The following PKN2 variants were observed in gnomAD, a reference collection of about 807,000 sequenced individuals.
PKN2 encodes the protein protein kinase N2.
A neutral mutation model predicts 119.1 loss-of-function variants in PKN2; 38 were observed. The ratio of observed to expected loss-of-function variants is 0.32; its 90% CI spans 0.25 to 0.42. The LOEUF (loss-of-function observed/expected upper bound fraction) is 0.42, where lower values mean the gene tolerates loss of function less well. PKN2 is among the 10% of genes least tolerant of loss of function. PKN2 has a pLI of 1.00. For synonymous variants in PKN2, 390 were observed against 384.9 expected (o/e 1.01, Z -0.15); for missense variants, 850 against 1,165.1 (o/e 0.73, Z 3.94).
chr1:88,785,982 T>C (rs1670556828), intron 7 of PKN2, 122 bp from the exon 8 acceptor site: 2 of 591,038 alleles, frequency 3.4e-6, no homozygotes, highest in Non-Finnish European at 6.0e-6. Context: ...AGTTTTAATA[T>C]TGATTATGAA....
intron 1 of PKN2, among the ~76,000 whole-genome samples, chr1:88,723,417 C>CA (rs1379184778): frequency 6.7e-6 from 1 of 148,350 alleles, no homozygotes; most frequent in Non-Finnish European, 1.5e-5. Context: ...CCTGCCCCCC[C>CA]CCCTTTTATT....
intron 2 of PKN2, among the ~76,000 whole-genome samples, chr1:88,759,096 G>A (rs1669336320): frequency 6.6e-6 from 1 of 152,196 alleles, no homozygotes; most frequent in Admixed American, 6.5e-5. Context: ...CAGGTGCAGT[G>A]GCTTACGCCT....
At chr1:88,764,111 G>A (rs189303869) in intron 3 of PKN2, among the ~76,000 whole-genome samples, 1 of 152,106 alleles carries the variant, frequency 6.6e-6, no homozygotes, top group South Asian at 2.1e-4. Flanking sequence ...TTCTTATTCT[G>A]ACTCTGGAAA....
In PKN2 at chr1:88,805,892, G is replaced by A. The variant is rs1671517437; in HGVS notation, c.1678G>A (p.Asp560Asn). ...RIPQLAPPAS[D>N]STVTKLDFDL... The stretch of plus-strand genomic sequence containing the variant: ...GTGAGTTACTTTATCTTCTATAAGT[G>A]ATTCTACAGTAACCAAATTGGACTT... The change falls in exon 12 of 22, where the codon GAT (aspartate) becomes AAT (asparagine). Residue 560 changes from aspartate to asparagine, a missense_variant and splice_region_variant. Physicochemically the swap from Asp to Asn is conservative, Grantham distance 23. Transcript: ENST00000370521. 2 of 1,613,896 alleles carry A rather than the reference G, an allele frequency of 1.2e-6. No individual in the cohort carries two copies. Among genetic ancestry groups the A allele is most frequent in the African/African-American group, 2.7e-5 (2 of 75,006 alleles).
At position 88,684,647 on chromosome 1, in the gene PKN2, G is replaced by T. The variant is rs766097596; in HGVS notation, c.48+19G>T. On this transcript the variant is annotated intron_variant, in intron 1 of 21. Coordinates refer to ENST00000370521, the MANE Select transcript of PKN2 (RefSeq NM_006256.4). ...ACTGCAGGTAAGGGCCGCGGCCCTGGTGAGAGGCGCTGGCGGAGGAGACAG... is the reference window on the plus strand; with the variant it reads ...ACTGCAGGTAAGGGCCGCGGCCCTGTTGAGAGGCGCTGGCGGAGGAGACAG... The T allele has an allele frequency of 6.6e-7, 1 of 1,522,220 alleles. No individual in the cohort carries two copies. The highest frequency in any genetic ancestry group is 8.8e-7 in the Non-Finnish European group (1 of 1,136,218). The allele number at this position is 1,522,220 out of a possible 1,614,324, so 94.3% of individuals were successfully genotyped here.
chr1:88,794,987 C>G (rs939019851), intron 8 of PKN2, among the ~76,000 whole-genome samples: 5 of 152,206 alleles, frequency 3.3e-5, no homozygotes, highest in Non-Finnish European at 5.9e-5. Context: ...ATCACATTTA[C>G]TACTGCAAAT....
At chr1:88,731,772 G>A (rs1168493772) in intron 1 of PKN2, among the ~76,000 whole-genome samples, 2 of 152,214 alleles carry the variant, frequency 1.3e-5, no homozygotes, top group Non-Finnish European at 2.9e-5. Flanking sequence ...CTGGGCCAGT[G>A]AGGAGTAAAC....
chr1:88,711,462 G>C (rs1667233120), intron 1 of PKN2, among the ~76,000 whole-genome samples: 1 of 152,110 alleles, frequency 6.6e-6, no homozygotes, highest in Non-Finnish European at 1.5e-5. Flanking sequence ...AATTGGAGTA[G>C]ATATGATTTT....
At chr1:88,749,923 A>C (rs1218787761) in intron 2 of PKN2, among the ~76,000 whole-genome samples, 1 of 152,206 alleles carries the variant, frequency 6.6e-6, no homozygotes, top group Non-Finnish European at 1.5e-5. Flanking sequence ...CTATTCAAGT[A>C]CCACTTTATG....
chr1:88,764,582 C>T (rs993062960), intron 3 of PKN2, among the ~76,000 whole-genome samples: 3 of 152,122 alleles, frequency 2.0e-5, no homozygotes, highest in African/African-American at 7.2e-5. Context: ...CAATGGATAC[C>T]GCTTCGCTGC....
chr1:88,697,841 T>G (rs1162848867), intron 1 of PKN2, among the ~76,000 whole-genome samples: 1 of 152,202 alleles, frequency 6.6e-6, no homozygotes, highest in Non-Finnish European at 1.5e-5. Flanking sequence ...TTTTGCATAT[T>G]TATTTTTTTC....
chr1:88,730,395 T>G (rs1025728195), intron 1 of PKN2, among the ~76,000 whole-genome samples: 3 of 152,212 alleles, frequency 2.0e-5, no homozygotes, highest in East Asian at 1.9e-4. Context: ...ACCCAGGCTC[T>G]CTCTCTTTCT....
intron 6 of PKN2, among the ~76,000 whole-genome samples, chr1:88,784,132 C>CTTTTTTTTTTTT (rs397862410): frequency 3.8e-5 from 4 of 103,950 alleles, no homozygotes; most frequent in Non-Finnish European, 5.5e-5. Context: ...GATGCTGTTC[C>CTTTTTTTTTTTT]TTTTTTTTTT....
intron 18 of PKN2, among the ~76,000 whole-genome samples, chr1:88,826,187 C>T (rs1346829990): frequency 3.3e-5 from 5 of 152,294 alleles, no homozygotes; most frequent in South Asian, 2.1e-4. Context: ...GTCTTACTCT[C>T]GTTTTTATGT....
intron 1 of PKN2, among the ~76,000 whole-genome samples, chr1:88,700,798 AAAGG>A (rs1352842508): frequency 6.6e-6 from 1 of 152,236 alleles, no homozygotes; most frequent in African/African-American, 2.4e-5. Flanking sequence ...TTCAGAGGGC[AAAGG>A]AAGTATTCAC....
chr1:88,726,078 AT>A (rs1161882477), intron 1 of PKN2, among the ~76,000 whole-genome samples: 5 of 152,110 alleles, frequency 3.3e-5, no homozygotes, highest in Admixed American at 2.6e-4. Flanking sequence ...GAACTCACTT[AT>A]TGTAGATGTT....
At chr1:88,815,131 A>G (rs1671933147) in intron 16 of PKN2, among the ~76,000 whole-genome samples, 1 of 152,210 alleles carries the variant, frequency 6.6e-6, no homozygotes, top group Non-Finnish European at 1.5e-5. Flanking sequence ...TTATGCTGCC[A>G]TGGGAATTTG....
At chr1:88,757,791 C>T (rs1404165797) in intron 2 of PKN2, among the ~76,000 whole-genome samples, 1 of 151,692 alleles carries the variant, frequency 6.6e-6, no homozygotes, top group Admixed American at 6.6e-5. Flanking sequence ...ACCTGTAATC[C>T]CAGCACTTTG....
chr1:88,804,570 A>G (rs753475724), intron 9 of PKN2, 36 bp downstream of exon 9: 1 of 1,568,044 alleles, frequency 6.4e-7, no homozygotes, highest in Non-Finnish European at 8.8e-7. Flanking sequence ...GCATAACTAC[A>G]ATTGAAATTA....
Sources: allele counts gnomAD v4.1 joint callset (sites outside exome capture counted in the v4.1 genomes callset), GRCh38; gene constraint gnomAD v4.1.1; transcripts MANE v1.5; gene names NCBI Gene and HGNC (gene_info 2026-07-23, HGNC 2026-07-21).